Variants in NAV2 observed in about 807,000 individuals in gnomAD.
NAV2 encodes helicase, APC down-regulated 1.
A neutral mutation model predicts 223.2 loss-of-function variants in NAV2; 54 were observed. The ratio of observed to expected loss-of-function variants is 0.24; its 90% CI spans 0.19 to 0.30. NAV2 has a LOEUF of 0.30. NAV2 is among the 10% of genes least tolerant of loss of function. The pLI, the probability that NAV2 is intolerant of heterozygous loss-of-function variation, is 1.00. For missense variants in NAV2, 2,806 were observed against 3,147.5 expected (o/e 0.89, Z 2.60); for synonymous variants, 1,279 against 1,239.3 (o/e 1.03, Z -0.67).
At chr11:19,470,007 C>A (rs1167556964) in intron 1 of NAV2, among the ~76,000 whole-genome samples, 1 of 152,266 alleles carries the variant, frequency 6.6e-6, no homozygotes, top group Admixed American at 6.5e-5. Flanking sequence ...CCATGTCAGG[C>A]AGCCCTTGTG....
intron 1 of NAV2, among the ~76,000 whole-genome samples, chr11:19,403,664 T>C (rs560686144): frequency 6.6e-6 from 1 of 152,300 alleles, no homozygotes; most frequent in African/African-American, 2.4e-5. Context: ...TGCACAGAGA[T>C]AGTGCAGAGA....
At chr11:19,949,205 C>T in intron 10 of NAV2, 125 bp downstream of exon 10, 1 of 1,064,684 alleles carries the variant, frequency 9.4e-7, no homozygotes, top group Non-Finnish European at 1.3e-6. Context: ...TTCTGCTGTC[C>T]ATATCAAAGG....
intron 1 of NAV2, among the ~76,000 whole-genome samples, chr11:19,585,605 C>A (rs1367730905): frequency 2.0e-5 from 3 of 152,202 alleles, no homozygotes; most frequent in Non-Finnish European, 1.5e-5. Flanking sequence ...ATTTGCTTGT[C>A]TGTAAAGGAT....
intron 1 of NAV2, among the ~76,000 whole-genome samples, chr11:19,637,887 G>A (rs1483995678): frequency 6.6e-6 from 1 of 152,242 alleles, no homozygotes; most frequent in Non-Finnish European, 1.5e-5. Context: ...TAGCGAGTGG[G>A]CATTTTGTTC....
Position 19,934,133 on chromosome 11 carries a change from A to T in NAV2, c.1889A>T (p.Asn630Ile), listed in dbSNP as rs368473871. 6.2e-7 allele frequency: 1 copy of T among 1,614,044 alleles called. No homozygotes were observed. ...AAAGGCCCAGGAGGGACCACCCTGA[A>T]CCACAGCATCAGCAGCCAGACTGTC... The part of the protein sequence containing the change: ...EGKGPGGTTL[N>I]HSISSQTVSG... The change falls in exon 7 of 38, where the codon AAC becomes ATC. Residue 630 changes from asparagine to isoleucine, a missense_variant. Physicochemically the swap from Asn to Ile is moderately radical, Grantham distance 149 (BLOSUM62 -3). Around this residue, in one of 4 missense-constraint regions of NAV2, gnomAD observed 1,167 missense variants for 1,180.5 expected, o/e 0.99. Coordinates refer to ENST00000349880, the MANE Select transcript of NAV2 (RefSeq NM_145117.5).
intron 4 of NAV2, among the ~76,000 whole-genome samples, chr11:19,877,753 T>C (rs1202882691): frequency 6.6e-6 from 1 of 152,076 alleles, no homozygotes; most frequent in Non-Finnish European, 1.5e-5. Flanking sequence ...ATTACAGGCG[T>C]GAGCCACCGT....
chr11:19,648,242 A>G (rs961868974), intron 1 of NAV2, among the ~76,000 whole-genome samples: 3 of 152,184 alleles, frequency 2.0e-5, no homozygotes, highest in Non-Finnish European at 2.9e-5. Flanking sequence ...TCTTGAAGTT[A>G]TTTTAGGTCT....
upstream of NAV2, among the ~76,000 whole-genome samples, chr11:19,347,903 G>A (rs1466089910): frequency 3.3e-5 from 5 of 152,180 alleles, no homozygotes; most frequent in South Asian, 4.1e-4. Context: ...CCTCTGCCCA[G>A]TCAGGAAATA....
rs528321807 is a variant in NAV2 at position 19,528,928 on chromosome 11, C to CAA, written c.75+177921_75+177922dup. The stretch of plus-strand genomic sequence containing the variant: ...CCGGTGACAGAGTGAGACTCCATCT[C>CAA]AAAAAAAAAAAAAAAAAAAAAGAGT... On this transcript the variant is annotated intron_variant, in intron 1 of 37. Coordinates refer to the NAV2 transcript ENST00000360655. Among the ~76,000 whole-genome samples, 133 of 82,270 alleles carry CAA rather than the reference C, an allele frequency of 1.6e-3. 2 individuals carry two copies. The highest frequency in any genetic ancestry group is 3.8e-3 in the African/African-American group (84 of 22,220). 54.0% of individuals were successfully genotyped at this position (82,270 alleles called of 152,430 possible).
intron 1 of NAV2, among the ~76,000 whole-genome samples, chr11:19,386,091 A>G (rs1813553929): frequency 6.6e-6 from 1 of 152,154 alleles, no homozygotes; most frequent in South Asian, 2.1e-4. Flanking sequence ...TGACCCCTCA[A>G]TGTAAAAACA....
chr11:19,569,697 A>C (rs1260762193), intron 1 of NAV2, among the ~76,000 whole-genome samples: 1 of 152,196 alleles, frequency 6.6e-6, no homozygotes, highest in African/African-American at 2.4e-5. Context: ...GCAAGGAATC[A>C]GGATGCAAAG....
At chr11:19,984,815 T>C (rs1048862101) in intron 11 of NAV2, among the ~76,000 whole-genome samples, 4 of 152,234 alleles carry the variant, frequency 2.6e-5, no homozygotes, top group African/African-American at 7.2e-5. Context: ...CAGAAAATAC[T>C]GTGGTAATAA....
At chr11:20,025,287 A>G (rs1476768258) in intron 11 of NAV2, among the ~76,000 whole-genome samples, 1 of 152,238 alleles carries the variant, frequency 6.6e-6, no homozygotes, top group Non-Finnish European at 1.5e-5. Flanking sequence ...TTCACCTTGT[A>G]TAAATGTTTA....
In NAV2 at chr11:20,015,015, G is replaced by A. The variant is rs146639797; in HGVS notation, c.2769-20944G>A. Among the ~76,000 whole-genome samples, 594 of 152,330 alleles carry A rather than the reference G, an allele frequency of 3.9e-3. 1 individual carries two copies. The highest frequency in any genetic ancestry group is 0.014 in the African/African-American group (578 of 41,580). On this transcript the variant is annotated intron_variant, in intron 11 of 37. Coordinates refer to ENST00000349880, the MANE Select transcript of NAV2 (RefSeq NM_145117.5). Reference sequence around the variant, plus strand: ...GGAGGCTGAGGCGGGAGGATTGCTTGAGCCCAGGAGTTTAAAGTTTCAAGG... The same window carrying A: ...GGAGGCTGAGGCGGGAGGATTGCTTAAGCCCAGGAGTTTAAAGTTTCAAGG...
chr11:19,919,474 G>A (rs2044087147), intron 6 of NAV2, among the ~76,000 whole-genome samples: 1 of 152,124 alleles, frequency 6.6e-6, no homozygotes, highest in Admixed American at 6.6e-5. Context: ...AAGTTGACGG[G>A]GCACACAGGC....
chr11:19,950,747 G>T (rs1170446688), intron 10 of NAV2, among the ~76,000 whole-genome samples: 1 of 152,222 alleles, frequency 6.6e-6, no homozygotes, highest in Non-Finnish European at 1.5e-5. Flanking sequence ...ACAAAAGGCA[G>T]ATTCATTGGA....
At chr11:20,034,620 G>T (rs1426087117) in intron 11 of NAV2, among the ~76,000 whole-genome samples, 1 of 152,214 alleles carries the variant, frequency 6.6e-6, no homozygotes, top group Non-Finnish European at 1.5e-5. Context: ...GACCTCAGGT[G>T]ATCCACCCGC....
intron 11 of NAV2, among the ~76,000 whole-genome samples, chr11:20,014,702 G>A (rs577781679): frequency 6.6e-4 from 101 of 152,252 alleles, no homozygotes; most frequent in African/African-American, 2.3e-3. Flanking sequence ...AGGAGTTCAA[G>A]ACCAGCCTGG....
At chr11:19,625,955 G>T (rs1228196950) in intron 1 of NAV2, among the ~76,000 whole-genome samples, 1 of 151,942 alleles carries the variant, frequency 6.6e-6, no homozygotes, top group Non-Finnish European at 1.5e-5. Context: ...TGAGTAGTTC[G>T]TGACCATTTT....
Sources: gnomAD v4.1 joint callset for allele counts (sites outside exome capture counted in the v4.1 genomes callset) on GRCh38, gnomAD v4.1.1 for gene constraint, gnomAD v4.1.1 regional missense constraint, MANE v1.5 for transcripts, NCBI Gene and HGNC (gene_info 2026-07-23, HGNC 2026-07-21) for gene names.